OR2L13: variants seen among roughly 807,000 people sequenced by gnomAD.
OR2L13 encodes olfactory receptor 2L13.
OR2L13 carries 14 observed loss-of-function variants against 15.3 expected under a neutral mutation model. The observed-to-expected ratio is 0.91, with a 90% CI of 0.60 to 1.43. OR2L13 has a LOEUF of 1.43. OR2L13 is among the 40% of genes most tolerant of loss of function. The probability of loss-of-function intolerance (pLI) is 0.00; values close to 1 mark genes in which losing one functional copy is unlikely to be tolerated. For synonymous variants in OR2L13, 152 were observed against 142.9 expected, an observed-to-expected ratio of 1.06 and a Z score of -0.45; for missense variants, 367 against 387.9, an observed-to-expected ratio of 0.95 and a Z score of 0.45.
the OR2L13 span, among the ~76,000 whole-genome samples, chr1:248,074,394 A>C: frequency 6.6e-6 from 1 of 152,062 alleles, no homozygotes; most frequent in African/African-American, 2.4e-5. Flanking sequence ...TAAAAAAAAA[A>C]AAAGTCAAAT....
the OR2L13 span, among the ~76,000 whole-genome samples, chr1:247,983,431 C>T: frequency 6.6e-6 from 1 of 152,078 alleles, no homozygotes. Context: ...AATGCTGACA[C>T]CTAGATATAT....
the OR2L13 span, among the ~76,000 whole-genome samples, chr1:248,019,812 G>T: frequency 6.6e-6 from 1 of 151,168 alleles, no homozygotes; most frequent in East Asian, 2.0e-4. Context: ...TTTGAGACAC[G>T]GTCTCACTCT....
chr1:247,992,885 GTA>G, the OR2L13 span, among the ~76,000 whole-genome samples: 3 of 149,952 alleles, frequency 2.0e-5, no homozygotes, highest in African/African-American at 7.5e-5. Flanking sequence ...GTGTGTGTGT[GTA>G]TACAGAGCAC....
At chr1:248,049,222 A>G in the OR2L13 span, among the ~76,000 whole-genome samples, 12 of 152,240 alleles carry the variant, frequency 7.9e-5, no homozygotes, top group Admixed American at 7.2e-4. Context: ...TAATGAGACT[A>G]TGTTTGAAAA....
chr1:247,984,056 G>A, the OR2L13 span, among the ~76,000 whole-genome samples: 6 of 152,240 alleles, frequency 3.9e-5, no homozygotes, highest in African/African-American at 1.4e-4. Flanking sequence ...CTCCTAGTGG[G>A]AGGGAGTTTT....
the OR2L13 span, among the ~76,000 whole-genome samples, chr1:247,968,208 A>G: frequency 3.9e-3 from 601 of 152,342 alleles, 6 homozygotes; most frequent in African/African-American, 0.013. Flanking sequence ...CCACTTTTAT[A>G]GATAATTAAA....
At chr1:248,048,923 C>CT in the OR2L13 span, among the ~76,000 whole-genome samples, 5,640 of 141,658 alleles carry the variant, frequency 0.04, 173 homozygotes, top group East Asian at 0.16. Flanking sequence ...TTCTCTCTCT[C>CT]TTTTTTTTTT....
At chr1:248,070,218 G>A in the OR2L13 span, among the ~76,000 whole-genome samples, 3 of 152,048 alleles carry the variant, frequency 2.0e-5, no homozygotes, top group African/African-American at 4.8e-5. Context: ...TGACCACATA[G>A]TTGGAAGTAA....
the OR2L13 span, among the ~76,000 whole-genome samples, chr1:248,029,616 C>T: frequency 6.6e-6 from 1 of 151,990 alleles, no homozygotes; most frequent in Non-Finnish European, 1.5e-5. Context: ...AGATAACTCC[C>T]ATGTATGTGA....
chr1:248,033,260 G>A, the OR2L13 span, among the ~76,000 whole-genome samples: 2 of 151,962 alleles, frequency 1.3e-5, no homozygotes, highest in African/African-American at 4.8e-5. Flanking sequence ...TTTCTATATG[G>A]TGTAAAGTAA....
the OR2L13 span, among the ~76,000 whole-genome samples, chr1:248,057,348 G>T: frequency 1.3e-5 from 2 of 152,132 alleles, no homozygotes; most frequent in Non-Finnish European, 2.9e-5. Context: ...ATTTACAATG[G>T]TTAGAAATTT....
At chr1:247,975,250 G>T in the OR2L13 span, 2 of 424,590 alleles carry the variant, frequency 4.7e-6, no homozygotes, top group East Asian at 5.6e-5. Context: ...GCTCAGCCAG[G>T]GCTGTGATGT....
At chr1:248,055,493 T>G in the OR2L13 span, among the ~76,000 whole-genome samples, 2 of 152,134 alleles carry the variant, frequency 1.3e-5, no homozygotes, top group Non-Finnish European at 2.9e-5. Context: ...TGGTGACTCA[T>G]GCCTGTAATC....
the OR2L13 span, among the ~76,000 whole-genome samples, chr1:247,979,140 A>T: frequency 1.3e-5 from 2 of 152,202 alleles, no homozygotes; most frequent in African/African-American, 4.8e-5. Context: ...AAAACAGTGT[A>T]CAATGTGCAC....
chr1:247,997,578 T>C, the OR2L13 span, among the ~76,000 whole-genome samples: 1 of 152,176 alleles, frequency 6.6e-6, no homozygotes. Flanking sequence ...AGAGAGAAAT[T>C]AGTGAATGCA....
chr1:248,062,137 G>T, the OR2L13 span: 1 of 154,134 alleles, frequency 6.5e-6, no homozygotes, highest in Non-Finnish European at 1.4e-5. Context: ...ACACAGTTTA[G>T]CAGAGAGCTC....
the OR2L13 span, among the ~76,000 whole-genome samples, chr1:247,948,634 T>G: frequency 1.3e-5 from 2 of 152,240 alleles, no homozygotes; most frequent in South Asian, 2.1e-4. Context: ...TGTTCTATTT[T>G]ATTATCAGTT....
the OR2L13 span, among the ~76,000 whole-genome samples, chr1:247,937,732 C>G: frequency 6.6e-6 from 1 of 152,290 alleles, no homozygotes; most frequent in African/African-American, 2.4e-5. Flanking sequence ...CCCTGAGCGC[C>G]TCTCCCCTAA....
the OR2L13 span, chr1:248,039,342 T>A: frequency 3.2e-6 from 2 of 634,012 alleles, no homozygotes; most frequent in Non-Finnish European, 5.0e-6. Context: ...TTTAATTTAG[T>A]CTTGACAATA....
Sources: allele counts gnomAD v4.1 joint callset (sites outside exome capture counted in the v4.1 genomes callset), GRCh38; gene constraint gnomAD v4.1.1; transcripts MANE v1.5; gene names NCBI Gene and HGNC (gene_info 2026-07-23, HGNC 2026-07-21).